SLC38A9: variants seen among roughly 807,000 people sequenced by gnomAD.
The protein encoded by SLC38A9 is solute carrier family 38 member 9.
A neutral mutation model predicts 62.3 loss-of-function variants in SLC38A9; 48 were observed. The observed-to-expected ratio is 0.77, with a 90% CI of 0.61 to 0.98. SLC38A9 has a LOEUF of 0.98. SLC38A9 is among the 50% of genes least tolerant of loss of function. The probability of loss-of-function intolerance (pLI) is 0.00; values close to 1 mark genes in which losing one functional copy is unlikely to be tolerated. For synonymous variants in SLC38A9, 204 were observed against 227.7 expected, an observed-to-expected ratio of 0.90 and a Z score of 0.94; for missense variants, 541 against 679.8, an observed-to-expected ratio of 0.80 and a Z score of 2.27.
chr5:55,647,623 C>A (rs1026368412), intron 11 of SLC38A9, among the ~76,000 whole-genome samples: 7 of 152,238 alleles, frequency 4.6e-5, no homozygotes, highest in Admixed American at 1.3e-4. Flanking sequence ...AGTTAAGATA[C>A]CCTGTAAAGC....
In SLC38A9 at chr5:55,635,566, A is replaced by T; in HGVS notation, c.1259T>A (p.Leu420Ter). Residue 420 changes from leucine to a stop codon, truncating the protein, a stop_gained, in exon 13 of 16, where the codon TTA becomes TAA. Transcript: ENST00000396865. LOFTEE classifies it high-confidence loss of function. ...TACCTGCTCAATACAATCTTTGGAT[A>T]ATGGTGGTGAAGGAAATGAAGCAAA... ...LVFASFPSPP[L>*]SKDCIEQNFL... 1 of 1,612,972 alleles carries T rather than the reference A, an allele frequency of 6.2e-7. No individual in the cohort carries two copies.
chr5:55,677,926 TTGTGTGTG>T (rs10682261), intron 3 of SLC38A9, among the ~76,000 whole-genome samples: 10 of 112,212 alleles, frequency 8.9e-5, no homozygotes, highest in South Asian at 3.3e-4. Flanking sequence ...TTTTTCTTTA[TTGTGTGTG>T]TGTGTGTGTG....
intron 3 of SLC38A9, chr5:55,696,080 C>T (rs1755554553): frequency 1.2e-5 from 1 of 86,324 alleles, no homozygotes; most frequent in Non-Finnish European, 2.7e-5. Flanking sequence ...GGGCTGACCC[C>T]CCCACCTCCC....
chr5:55,679,045 A>G (rs1752633330), intron 3 of SLC38A9, among the ~76,000 whole-genome samples: 1 of 152,108 alleles, frequency 6.6e-6, no homozygotes, highest in Non-Finnish European at 1.5e-5. Flanking sequence ...TGAAAACAAA[A>G]AATTGACTAT....
chr5:55,669,271 T>C lies in SLC38A9; in HGVS notation c.483A>G (p.Thr161=). 2 of 1,613,262 alleles carry C rather than the reference T, an allele frequency of 1.2e-6. No individual in the cohort carries two copies. The highest frequency in any genetic ancestry group is 1.7e-6 in the Non-Finnish European group (2 of 1,179,728). Residue 161 remains threonine (T), a synonymous_variant, in exon 7 of 16, where the codon ACA becomes ACG. Coordinates refer to ENST00000396865, the MANE Select transcript of SLC38A9 (RefSeq NM_173514.4). ...MCVIILMGLL[T]LYCCYRVVKS... ...TCACTACTCTGTAGCAGCAATAAAG[T>C]GTTAAAAGGCCCATCAGTATGATGA...
At chr5:55,689,730 T>C (rs1754462745) in intron 3 of SLC38A9, among the ~76,000 whole-genome samples, 1 of 152,146 alleles carries the variant, frequency 6.6e-6, no homozygotes, top group South Asian at 2.1e-4. Flanking sequence ...TCTAATACAG[T>C]CCCCAACTTA....
intron 12 of SLC38A9, among the ~76,000 whole-genome samples, chr5:55,636,904 A>T (rs73119754): frequency 6.6e-6 from 1 of 152,292 alleles, no homozygotes; most frequent in African/African-American, 2.4e-5. Context: ...ATGACCGGGC[A>T]CAGTTTCAAA....
At chr5:55,678,822 ATTAATTTTT>A (rs1236848866) in intron 3 of SLC38A9, among the ~76,000 whole-genome samples, 2 of 151,420 alleles carry the variant, frequency 1.3e-5, no homozygotes, top group Non-Finnish European at 1.5e-5. Flanking sequence ...CACATGCCTG[ATTAATTTTT>A]TTAATTTTTT....
intron 3 of SLC38A9, among the ~76,000 whole-genome samples, chr5:55,684,340 T>C (rs917384616): frequency 1.3e-5 from 2 of 152,222 alleles, no homozygotes; most frequent in African/African-American, 4.8e-5. Flanking sequence ...AAAAAAACTG[T>C]ATAAATAACT....
At chr5:55,627,035 C>A (rs1742558429) in intron 15 of SLC38A9, among the ~76,000 whole-genome samples, 1 of 151,988 alleles carries the variant, frequency 6.6e-6, no homozygotes, top group African/African-American at 2.4e-5. Flanking sequence ...CGTTAGCATC[C>A]CGGTTTAAGT....
intron 3 of SLC38A9, among the ~76,000 whole-genome samples, chr5:55,684,803 G>A (rs187072628): frequency 6.6e-6 from 1 of 152,226 alleles, no homozygotes; most frequent in East Asian, 1.9e-4. Context: ...ACAGGCGCCT[G>A]CCACCATGCC....
chr5:55,692,813 T>C, intron 3 of SLC38A9: 1 of 985,066 alleles, frequency 1.0e-6, no homozygotes, highest in Non-Finnish European at 1.2e-6. Flanking sequence ...AAGAAAACCC[T>C]GAGCATTCAA....
At chr5:55,678,659 T>TTG in intron 3 of SLC38A9, among the ~76,000 whole-genome samples, 1 of 136,954 alleles carries the variant, frequency 7.3e-6, no homozygotes, top group East Asian at 2.1e-4. Context: ...TTTTTTTTTT[T>TTG]TTTTTTTTTT....
At chr5:55,649,836 A>G (rs1747075656) in intron 10 of SLC38A9, among the ~76,000 whole-genome samples, 1 of 151,332 alleles carries the variant, frequency 6.6e-6, no homozygotes, top group South Asian at 2.1e-4. Context: ...GAAAAAAAAA[A>G]GAATAAGAAA....
chr5:55,665,549 A>C (rs529713195), intron 7 of SLC38A9, among the ~76,000 whole-genome samples: 14 of 151,478 alleles, frequency 9.2e-5, no homozygotes, highest in African/African-American at 3.4e-4. Context: ...TCCATCTCAA[A>C]AAAAAAAAAA....
At chr5:55,700,845 T>C (rs979152085) in intron 2 of SLC38A9, among the ~76,000 whole-genome samples, 5 of 152,170 alleles carry the variant, frequency 3.3e-5, no homozygotes, top group East Asian at 1.9e-4. Flanking sequence ...CCTCCAGGTT[T>C]TTTCCCTACG....
chr5:55,695,273 C>CT (rs67408828), intron 3 of SLC38A9, among the ~76,000 whole-genome samples: 79,914 of 139,658 alleles, frequency 0.57, 23,049 homozygotes, highest in South Asian at 0.67. Context: ...AAGACCATTT[C>CT]TTTTTTTTTT....
chr5:55,704,551 C>T (rs925699901), intron 2 of SLC38A9: 3 of 112,942 alleles, frequency 2.7e-5, no homozygotes, highest in Admixed American at 8.8e-5. Context: ...TTGAACTTAA[C>T]GAAGGTTAAT....
Position 55,707,009 on chromosome 5 carries a change from T to A in SLC38A9, c.-35+4443A>T, listed in dbSNP as rs566085355. Reference sequence around the variant, plus strand: ...CAGGCTGGAGTGCAGTAGTGCCATCTGGGCTTGCTGCAACCTCCTCCCGCC... The same window carrying A: ...CAGGCTGGAGTGCAGTAGTGCCATCAGGGCTTGCTGCAACCTCCTCCCGCC... On this transcript the variant is annotated intron_variant, in intron 2 of 15. Transcript: ENST00000396865. Among the ~76,000 whole-genome samples, 75 of 151,902 alleles carry A rather than the reference T, an allele frequency of 4.9e-4. 4 individuals carry two copies. In the South Asian group the frequency reaches 0.014, roughly 28 times the overall value.
Sources: gnomAD v4.1 joint callset for allele counts (sites outside exome capture counted in the v4.1 genomes callset) on GRCh38, gnomAD v4.1.1 for gene constraint, MANE v1.5 for transcripts, NCBI Gene and HGNC (gene_info 2026-07-23, HGNC 2026-07-21) for gene names.